CCBE1: variants seen among roughly 807,000 people sequenced by gnomAD.
CCBE1 encodes the protein collagen and calcium-binding EGF domain-containing protein 1.
A neutral mutation model predicts 50.0 loss-of-function variants in CCBE1; 37 were observed. That is an observed-to-expected ratio of 0.74 (90% CI 0.57 to 0.97). The LOEUF (loss-of-function observed/expected upper bound fraction) is 0.97. CCBE1 is among the 50% of genes least tolerant of loss of function. The pLI, the probability that CCBE1 is intolerant of heterozygous loss-of-function variation, is 0.00. For missense variants in CCBE1, 538 were observed against 523.8 expected (o/e 1.03, Z -0.26); for synonymous variants, 234 against 203.7 (o/e 1.15, Z -1.27).
At chr18:59,542,816 G>A (rs1915521553) in intron 2 of CCBE1, among the ~76,000 whole-genome samples, 1 of 152,088 alleles carries the variant, frequency 6.6e-6, no homozygotes, top group African/African-American at 2.4e-5. Flanking sequence ...CACTGCAGAA[G>A]TGCCTCATAG....
intron 2 of CCBE1, among the ~76,000 whole-genome samples, chr18:59,554,562 C>T (rs563594862): frequency 6.6e-6 from 1 of 152,288 alleles, no homozygotes; most frequent in South Asian, 2.1e-4. Context: ...TCCCCATTCG[C>T]CTTTGAGTCA....
intron 2 of CCBE1, among the ~76,000 whole-genome samples, chr18:59,645,688 T>C (rs1307576583): frequency 6.6e-6 from 1 of 152,078 alleles, no homozygotes; most frequent in Non-Finnish European, 1.5e-5. Context: ...AAACTGTAGG[T>C]TTTGAAACCA....
chr18:59,588,635 C>A (rs2053213187), intron 2 of CCBE1, among the ~76,000 whole-genome samples: 2 of 152,118 alleles, frequency 1.3e-5, no homozygotes, highest in African/African-American at 4.8e-5. Flanking sequence ...TTCTAGAGGG[C>A]CCCTCTTGCT....
intron 2 of CCBE1, among the ~76,000 whole-genome samples, chr18:59,536,608 T>A (rs943588467): frequency 6.6e-6 from 1 of 152,102 alleles, no homozygotes; most frequent in Non-Finnish European, 1.5e-5. Context: ...ATAGTGTACA[T>A]GACAAATAAG....
chr18:59,556,343 C>T (rs967495615), intron 2 of CCBE1, among the ~76,000 whole-genome samples: 1 of 152,084 alleles, frequency 6.6e-6, no homozygotes, highest in African/African-American at 2.4e-5. Context: ...AAAGTGGAGG[C>T]CATGATTGAG....
At chr18:59,505,276 C>T (rs184073533) in intron 2 of CCBE1, among the ~76,000 whole-genome samples, 217 of 152,258 alleles carry the variant, frequency 1.4e-3, no homozygotes, top group African/African-American at 5.0e-3. Context: ...TGATGGCATC[C>T]TCAAACTTAA....
At chr18:59,604,686 A>ATTTG (rs909893386) in intron 2 of CCBE1, among the ~76,000 whole-genome samples, 1 of 152,210 alleles carries the variant, frequency 6.6e-6, no homozygotes, top group African/African-American at 2.4e-5. Flanking sequence ...TTCAATAGGC[A>ATTTG]TTTGTTTCAA....
intron 2 of CCBE1, among the ~76,000 whole-genome samples, chr18:59,577,148 G>T (rs1477799117): frequency 1.3e-5 from 2 of 152,234 alleles, no homozygotes; most frequent in African/African-American, 4.8e-5. Context: ...AGCTGTCTTG[G>T]ATGTGGAAGA....
At chr18:59,557,695 AG>A (rs1281807316) in intron 2 of CCBE1, among the ~76,000 whole-genome samples, 4 of 152,170 alleles carry the variant, frequency 2.6e-5, no homozygotes, top group African/African-American at 7.2e-5. Context: ...GGGAACTTCT[AG>A]GGGGGATTTA....
At chr18:59,469,777 G>C (rs556784597) in intron 3 of CCBE1, among the ~76,000 whole-genome samples, 170 bp from the exon 4 acceptor site, 10 of 152,316 alleles carry the variant, frequency 6.6e-5, no homozygotes, top group African/African-American at 2.4e-4. Flanking sequence ...CACCTTCTAA[G>C]AGTACTGCAA....
intron 2 of CCBE1, among the ~76,000 whole-genome samples, chr18:59,579,920 C>G (rs751866654): frequency 6.6e-6 from 1 of 152,148 alleles, no homozygotes; most frequent in Non-Finnish European, 1.5e-5. Context: ...AAAAAAGATG[C>G]CTCTGGGATC....
chr18:59,558,718 G>A (rs1348570978), intron 2 of CCBE1, among the ~76,000 whole-genome samples: 2 of 152,148 alleles, frequency 1.3e-5, no homozygotes, highest in African/African-American at 4.8e-5. Flanking sequence ...AGAGGAAGGA[G>A]CCAGGATACA....
At chr18:59,438,703 G>A (rs182512997) in intron 9 of CCBE1, among the ~76,000 whole-genome samples, 1 of 152,286 alleles carries the variant, frequency 6.6e-6, no homozygotes. Flanking sequence ...GGTTGGTTTT[G>A]GAATTGAAGA....
intron 5 of CCBE1, among the ~76,000 whole-genome samples, chr18:59,460,488 C>G (rs186178090): frequency 6.6e-6 from 1 of 152,152 alleles, no homozygotes; most frequent in African/African-American, 2.4e-5. Context: ...TCTGATGTTC[C>G]GGAATGTGGG....
chr18:59,599,099 CT>C (rs1312983094), intron 2 of CCBE1, among the ~76,000 whole-genome samples: 9 of 152,222 alleles, frequency 5.9e-5, no homozygotes, highest in South Asian at 2.1e-4. Flanking sequence ...TCTACTACTA[CT>C]TTTTTTCTAG....
At chr18:59,521,243 A>C (rs187103387) in intron 2 of CCBE1, among the ~76,000 whole-genome samples, 1 of 152,324 alleles carries the variant, frequency 6.6e-6, no homozygotes, top group Non-Finnish European at 1.5e-5. Flanking sequence ...CACCCATAAA[A>C]ATCCCCCAAC....
At chr18:59,569,322 T>A (rs1034021928) in intron 2 of CCBE1, among the ~76,000 whole-genome samples, 1 of 152,254 alleles carries the variant, frequency 6.6e-6, no homozygotes, top group Admixed American at 6.5e-5. Flanking sequence ...ACTAGCAGTC[T>A]GTCCTAAAAA....
At chr18:59,537,986 T>G (rs890392756) in intron 2 of CCBE1, among the ~76,000 whole-genome samples, 2 of 152,214 alleles carry the variant, frequency 1.3e-5, no homozygotes, top group East Asian at 3.8e-4. Flanking sequence ...ACATAGCACA[T>G]AGTAAATGAA....
At chr18:59,575,652 G>A (rs148201343) in intron 2 of CCBE1, among the ~76,000 whole-genome samples, 20 of 152,268 alleles carry the variant, frequency 1.3e-4, no homozygotes, top group African/African-American at 4.3e-4. Flanking sequence ...GCTTAAGTTC[G>A]CTGCAAAGTT....
Sources: gnomAD v4.1 joint callset for allele counts (sites outside exome capture counted in the v4.1 genomes callset) on GRCh38, gnomAD v4.1.1 for gene constraint, MANE v1.5 for transcripts, NCBI Gene and HGNC (gene_info 2026-07-23, HGNC 2026-07-21) for gene names.